The following DNAI3 variants were observed in gnomAD, a reference collection of about 807,000 sequenced individuals.
DNAI3 encodes the protein WD repeat domain 63.
DNAI3 carries 83 observed loss-of-function variants against 115.5 expected under a neutral mutation model. The observed-to-expected ratio is 0.72, with a 90% CI of 0.60 to 0.86. The LOEUF (loss-of-function observed/expected upper bound fraction) is 0.86, where lower values mean the gene tolerates loss of function less well. Ranked by LOEUF, DNAI3 falls within the 40% of genes least tolerant of loss-of-function variation. The pLI is 0.00. For synonymous variants in DNAI3, 320 were observed against 347.0 expected (o/e 0.92, Z 0.86); for missense variants, 1,004 against 1,075.8 (o/e 0.93, Z 0.93).
chr1:85,065,193 A>G (rs1654057465), intron 1 of DNAI3, among the ~76,000 whole-genome samples: 1 of 152,082 alleles, frequency 6.6e-6, no homozygotes, highest in African/African-American at 2.4e-5. Flanking sequence ...CCAGTTAAAG[A>G]GAAGGTGCCA....
intron 8 of DNAI3, among the ~76,000 whole-genome samples, chr1:85,090,632 T>G (rs1557713402): frequency 6.6e-6 from 1 of 152,210 alleles, no homozygotes; most frequent in Non-Finnish European, 1.5e-5. Context: ...AAAAATATCT[T>G]TGTAGATGAG....
At chr1:85,116,429 A>G (rs999361301) in intron 16 of DNAI3, among the ~76,000 whole-genome samples, 2 of 152,214 alleles carry the variant, frequency 1.3e-5, no homozygotes, top group African/African-American at 4.8e-5. Context: ...TTGTGAGACC[A>G]GAAGTCTCCA....
chr1:85,132,926 G>A lies in DNAI3; in HGVS notation c.2604G>A (p.Leu868=). ...TGGACTATGAGAGTTATCTGGAACTGGAAAAGACTGTTCTTATCAACCTTG... is the reference window on the plus strand; with the variant it reads ...TGGACTATGAGAGTTATCTGGAACTAGAAAAGACTGTTCTTATCAACCTTG... ...LKMDYESYLE[L]EKTVLINLGL... Residue 868 remains leucine, a synonymous_variant, in exon 23 of 23, where the codon CTG becomes CTA. Transcript: ENST00000294664. The A allele has an allele frequency of 6.2e-7, 1 of 1,613,902 alleles. No individual in the cohort carries two copies. The highest frequency in any genetic ancestry group is 8.5e-7 in the Non-Finnish European group (1 of 1,179,880).
At chr1:85,128,050 G>C (rs1656199138) in intron 20 of DNAI3, among the ~76,000 whole-genome samples, 1 of 149,124 alleles carries the variant, frequency 6.7e-6, no homozygotes, top group Non-Finnish European at 1.5e-5. Context: ...GATTCAGCCT[G>C]GGAGGTTGAG....
In DNAI3 at chr1:85,129,997, G is replaced by A. The variant is rs764446250; in HGVS notation, c.2417G>A (p.Ser806Asn). 3 of 1,612,442 alleles carry A rather than the reference G, an allele frequency of 1.9e-6. No individual in the cohort carries two copies. Among genetic ancestry groups the A allele is most frequent in the Non-Finnish European group, 2.5e-6 (3 of 1,179,426 alleles). The change falls in exon 22 of 23, where the codon AGT (serine) becomes AAT (asparagine). Residue 806 changes from serine (S) to asparagine (N), a missense_variant. This residue lies in a region of DNAI3 where 429 missense variants were observed against 454.3 expected (regional missense o/e 0.94). Coordinates refer to ENST00000294664, the MANE Select transcript of DNAI3 (RefSeq NM_145172.5). ...GACTTCTGTTTCTAACAGATGGCAA[G>A]TGTCAACCACTATTTTGAAAGAGAA... ...LSRPSTNEMA[S>N]VNHYFEREVK...
intron 13 of DNAI3, among the ~76,000 whole-genome samples, chr1:85,103,864 G>C (rs1193950053): frequency 1.4e-5 from 2 of 146,752 alleles, no homozygotes; most frequent in Non-Finnish European, 3.0e-5. Flanking sequence ...TCCAACCTGG[G>C]GCACAGAATG....
At chr1:85,086,779 G>C (rs1654811653) in intron 7 of DNAI3, among the ~76,000 whole-genome samples, 2 of 151,810 alleles carry the variant, frequency 1.3e-5, no homozygotes, top group African/African-American at 4.8e-5. Flanking sequence ...TTCTAAGTGG[G>C]CTTCCTCTAG....
intron 18 of DNAI3, among the ~76,000 whole-genome samples, chr1:85,122,707 G>T (rs1433044800): frequency 1.3e-5 from 2 of 152,170 alleles, no homozygotes; most frequent in Admixed American, 1.3e-4. Context: ...GTGGAAGTGT[G>T]AGTGACTGAC....
intron 21 of DNAI3, 103 bp downstream of exon 21, chr1:85,128,902 G>C: frequency 1.0e-6 from 1 of 988,690 alleles, no homozygotes; most frequent in Non-Finnish European, 1.6e-6. Flanking sequence ...CTCTGTAAGG[G>C]AACAAAAGAC....
chr1:85,122,312 G>T (rs967817313), intron 18 of DNAI3, among the ~76,000 whole-genome samples: 3 of 152,130 alleles, frequency 2.0e-5, no homozygotes, highest in African/African-American at 7.2e-5. Flanking sequence ...GGCTAGGACA[G>T]GTCGTGTCTT....
intron 16 of DNAI3, 43 bp downstream of exon 16, chr1:85,110,178 G>T (rs372629418): frequency 6.6e-6 from 10 of 1,521,636 alleles, no homozygotes; most frequent in Non-Finnish European, 9.0e-6. Context: ...AAGGCCGGGC[G>T]CGGTGGCTCA....
chr1:85,093,073 T>C (rs972394495), intron 8 of DNAI3, among the ~76,000 whole-genome samples: 1 of 152,028 alleles, frequency 6.6e-6, no homozygotes, highest in Non-Finnish European at 1.5e-5. Flanking sequence ...ACCGGGAAGG[T>C]AGAGCATCAG....
chr1:85,062,735 A>G (rs528649337), intron 1 of DNAI3, among the ~76,000 whole-genome samples: 1 of 152,190 alleles, frequency 6.6e-6, no homozygotes, highest in Non-Finnish European at 1.5e-5. Context: ...TTCCCATGTT[A>G]TATATACCCA....
intron 16 of DNAI3, among the ~76,000 whole-genome samples, chr1:85,112,200 C>T (rs762671211): frequency 3.3e-5 from 5 of 152,166 alleles, no homozygotes; most frequent in South Asian, 4.2e-4. Context: ...TACAAGCATG[C>T]GCCACCACAT....
At chr1:85,071,576 G>C (rs543442530) in intron 1 of DNAI3, among the ~76,000 whole-genome samples, 1 of 152,334 alleles carries the variant, frequency 6.6e-6, no homozygotes, top group East Asian at 1.9e-4. Flanking sequence ...CCAGCAAAAG[G>C]CAGCACAGAG....
chr1:85,086,620 A>G (rs1654808064), intron 7 of DNAI3, among the ~76,000 whole-genome samples: 1 of 152,024 alleles, frequency 6.6e-6, no homozygotes, highest in Non-Finnish European at 1.5e-5. Context: ...CCCATGCTGA[A>G]TCTTCCTCCT....
chr1:85,073,655 A>C (rs1476038499), intron 3 of DNAI3, among the ~76,000 whole-genome samples: 1 of 152,218 alleles, frequency 6.6e-6, no homozygotes, highest in African/African-American at 2.4e-5. Context: ...TGAGGGGGGC[A>C]AGGAGGAAGA....
At chr1:85,098,130 G>T (rs1001028511) in intron 12 of DNAI3, among the ~76,000 whole-genome samples, 2 of 152,122 alleles carry the variant, frequency 1.3e-5, no homozygotes, top group Non-Finnish European at 2.9e-5. Flanking sequence ...CTGTTAAGAG[G>T]GTTGAGAAGA....
At chr1:85,078,990 A>G (rs7522343) in intron 3 of DNAI3, among the ~76,000 whole-genome samples, 90,800 of 152,126 alleles carry the variant, frequency 0.6, 27,131 homozygotes, top group Middle Eastern at 0.6. Flanking sequence ...ACAATCTTTG[A>G]TGCTGTCTTT....
Sources: allele counts gnomAD v4.1 joint callset (sites outside exome capture counted in the v4.1 genomes callset), GRCh38; gene constraint gnomAD v4.1.1; regional missense constraint gnomAD v4.1.1; transcripts MANE v1.5; gene names NCBI Gene and HGNC (gene_info 2026-07-23, HGNC 2026-07-21).